Variants in JMY observed in about 807,000 individuals in gnomAD.
The protein encoded by JMY is junction mediating and regulatory protein, p53 cofactor.
Under a neutral mutation model 103.3 loss-of-function variants are expected in JMY, and 46 were observed. The ratio of observed to expected loss-of-function variants is 0.45; its 90% CI spans 0.35 to 0.57. The LOEUF (loss-of-function observed/expected upper bound fraction) is 0.57, where lower values mean the gene tolerates loss of function less well. JMY is among the 20% of genes least tolerant of loss of function. The pLI is 0.00. For synonymous variants in JMY, 526 were observed against 489.3 expected, an observed-to-expected ratio of 1.07 and a Z score of -0.99; for missense variants, 1,238 against 1,255.2, an observed-to-expected ratio of 0.99 and a Z score of 0.21.
intron 6 of JMY, 144 bp downstream of exon 6, chr5:79,301,007 G>A: frequency 3.1e-6 from 2 of 636,724 alleles, no homozygotes; most frequent in East Asian, 3.1e-5. Context: ...ATAGTGCTCT[G>A]AGAATTGCCC....
In JMY at chr5:79,236,603, G is replaced by GCGGGC; in HGVS notation, c.-39_-35dup. 1 of 1,325,236 alleles carries GCGGGC rather than the reference G, an allele frequency of 7.5e-7. No individual in the cohort carries two copies. The highest frequency in any genetic ancestry group is 9.7e-7 in the Non-Finnish European group (1 of 1,025,920). 82.1% of individuals were successfully genotyped at this position (1,325,236 alleles called of 1,614,324 possible). ...GGCGCAGCCAGCGGGGAGTCCTCGG[G>GCGGGC]CGGGCCGGGCCGGCGGCCCTTCCCC... On this transcript the variant is annotated 5_prime_UTR_variant, in exon 1 of 11. Transcript: ENST00000396137.
chr5:79,281,105 C>T (rs1023106920), intron 2 of JMY, among the ~76,000 whole-genome samples: 15 of 151,548 alleles, frequency 9.9e-5, no homozygotes, highest in Non-Finnish European at 1.3e-4. Flanking sequence ...AGTGCAGTGG[C>T]GCGATTTTGG....
Position 79,282,323 on chromosome 5 carries a change from A to G in JMY, c.1206+4240A>G, listed in dbSNP as rs144370147. On this transcript the variant is annotated intron_variant, in intron 2 of 10. Transcript: ENST00000396137. The stretch of plus-strand genomic sequence containing the variant: ...GGGAAATTGACAGGGAGCAAGCACC[A>G]CAGACAACTTTGGAGTGATTCTTTA... Among the ~76,000 whole-genome samples, 238 of 152,368 alleles carry G rather than the reference A, an allele frequency of 1.6e-3. 1 individual carries two copies. Among genetic ancestry groups the G allele is most frequent in the African/African-American group, 5.4e-3 (226 of 41,600 alleles).
chr5:79,317,161 G>C (rs1382472202), intron 10 of JMY, among the ~76,000 whole-genome samples: 1 of 151,856 alleles, frequency 6.6e-6, no homozygotes, highest in Non-Finnish European at 1.5e-5. Flanking sequence ...CCTCAAAGGA[G>C]TTTTCTAAGA....
intron 1 of JMY, among the ~76,000 whole-genome samples, chr5:79,270,858 G>T (rs1443581977): frequency 6.6e-6 from 1 of 151,498 alleles, no homozygotes; most frequent in Non-Finnish European, 1.5e-5. Flanking sequence ...TTTGTGAAAT[G>T]CATTTTCTGC....
intron 1 of JMY, among the ~76,000 whole-genome samples, chr5:79,242,279 C>T (rs1744762934): frequency 6.6e-6 from 1 of 152,038 alleles, no homozygotes; most frequent in Non-Finnish European, 1.5e-5. Context: ...TGATGACCTG[C>T]TTAGTTATTT....
chr5:79,309,233 A>C (rs1214534251), intron 7 of JMY, among the ~76,000 whole-genome samples: 1 of 152,182 alleles, frequency 6.6e-6, no homozygotes, highest in Admixed American at 6.5e-5. Flanking sequence ...TGATCTTAGC[A>C]AGAAAGCTCT....
chr5:79,312,445 T>C lies in JMY; in HGVS notation c.2011T>C (p.Trp671Arg). 2 of 1,587,806 alleles carry C rather than the reference T, an allele frequency of 1.3e-6. No individual in the cohort carries two copies. Among genetic ancestry groups the C allele is most frequent in the Non-Finnish European group, 1.7e-6 (2 of 1,170,472 alleles). The change falls in exon 8 of 11, where the codon TGG becomes CGG. Residue 671 changes from tryptophan (W) to arginine (R), a missense_variant. Trp to Arg is a moderately radical substitution (Grantham distance 101). Coordinates refer to ENST00000396137, the MANE Select transcript of JMY (RefSeq NM_152405.5). The stretch of plus-strand genomic sequence containing the variant: ...TGATGAAGAAGAAAGAAAAAGTGCC[T>C]GGGTTAGCCAAGAGAGACAGAGAAC... ...LHDEEERKSA[W>R]VSQERQRTLD...
At chr5:79,260,426 C>T (rs1166639613) in intron 1 of JMY, among the ~76,000 whole-genome samples, 1 of 152,234 alleles carries the variant, frequency 6.6e-6, no homozygotes, top group Non-Finnish European at 1.5e-5. Flanking sequence ...GATGGCCCGC[C>T]ACTGCCATGA....
chr5:79,284,408 A>C (rs1345645455), intron 2 of JMY: 2 of 1,421,456 alleles, frequency 1.4e-6, no homozygotes, highest in East Asian at 2.3e-5. Flanking sequence ...CTCTCGGGTC[A>C]TGATTTCCAT....
At chr5:79,283,001 T>TAA (rs1746166098) in intron 2 of JMY, among the ~76,000 whole-genome samples, 1 of 149,316 alleles carries the variant, frequency 6.7e-6, no homozygotes, top group African/African-American at 2.4e-5. Flanking sequence ...ATAATAATAA[T>TAA]TATTATTATT....
chr5:79,299,739 G>A (rs1746675333), intron 4 of JMY, among the ~76,000 whole-genome samples: 1 of 152,036 alleles, frequency 6.6e-6, no homozygotes. Context: ...CCAGATATGT[G>A]GCATTAACCA....
In JMY at chr5:79,323,726, T is replaced by C. The variant is rs1356727993; in HGVS notation, c.*2124T>C. ...CATATCTTGAGAGGGAATTTGCTAC[T>C]CTTTTACTTTTGGGATTTCATTATA... is the stretch of plus-strand genomic sequence containing the variant. On this transcript the variant is annotated 3_prime_UTR_variant, in exon 11 of 11. Coordinates refer to ENST00000396137, the MANE Select transcript of JMY (RefSeq NM_152405.5). The C allele has an allele frequency of 1.3e-5, 2 of 152,218 alleles. No homozygotes were observed. Among genetic ancestry groups the C allele is most frequent in the Non-Finnish European group, 2.9e-5 (2 of 68,038 alleles). 9.4% of individuals were successfully genotyped at this position (152,218 alleles called of 1,614,324 possible). A position where few individuals can be genotyped will look rare whatever the true frequency, so the allele number is the denominator to read the frequency against.
At chr5:79,297,194 A>G (rs948634551) in intron 4 of JMY, among the ~76,000 whole-genome samples, 1 of 152,340 alleles carries the variant, frequency 6.6e-6, no homozygotes, top group African/African-American at 2.4e-5. Context: ...GGTTTGGGGT[A>G]CTGGTATCCT....
chr5:79,317,706 T>C (rs1004568218), intron 10 of JMY, among the ~76,000 whole-genome samples: 21 of 152,310 alleles, frequency 1.4e-4, no homozygotes, highest in African/African-American at 5.1e-4. Flanking sequence ...TGAATTTCTT[T>C]TTTTATTTTA....
chr5:79,237,172 G>A lies in JMY; in HGVS notation c.522G>A (p.Glu174=). Residue 174 remains glutamate, a synonymous_variant, in exon 1 of 11, where the codon GAG becomes GAA. Coordinates refer to ENST00000396137, the MANE Select transcript of JMY (RefSeq NM_152405.5). ...AAAAARPAPR[E]AQVSSVRIVS... ...CAGCAGCCCGGCCGGCGCCCAGAGAGGCCCAGGTGTCCTCTGTACGGATAG... is the reference window on the plus strand; with the variant it reads ...CAGCAGCCCGGCCGGCGCCCAGAGAAGCCCAGGTGTCCTCTGTACGGATAG... 3 of 1,549,684 alleles carry A rather than the reference G, an allele frequency of 1.9e-6. No homozygotes were observed. Among genetic ancestry groups the A allele is most frequent in the Non-Finnish European group, 2.6e-6 (3 of 1,146,406 alleles).
chr5:79,290,004 C>T, intron 2 of JMY, 117 bp from the exon 3 acceptor site: 1 of 692,660 alleles, frequency 1.4e-6, no homozygotes, highest in South Asian at 2.7e-5. Flanking sequence ...AAACTAATAG[C>T]TTATCCTCTT....
chr5:79,308,816 A>G (rs1746963111), intron 7 of JMY, among the ~76,000 whole-genome samples: 1 of 152,158 alleles, frequency 6.6e-6, no homozygotes, highest in Non-Finnish European at 1.5e-5. Context: ...ATCCATGAAC[A>G]AAGAATATTT....
chr5:79,277,686 A>G (rs1745980657), intron 1 of JMY, among the ~76,000 whole-genome samples: 1 of 152,058 alleles, frequency 6.6e-6, no homozygotes, highest in South Asian at 2.1e-4. Flanking sequence ...GTTAAGGCTA[A>G]GCTCAATACT....
Sources: gnomAD v4.1 joint callset for allele counts (sites outside exome capture counted in the v4.1 genomes callset) on GRCh38, gnomAD v4.1.1 for gene constraint, MANE v1.5 for transcripts, NCBI Gene and HGNC (gene_info 2026-07-23, HGNC 2026-07-21) for gene names.